The following CWC27 variants were observed in gnomAD, a reference collection of about 807,000 sequenced individuals.
CWC27 encodes CWC27 spliceosome associated cyclophilin.
CWC27 carries 47 observed loss-of-function variants against 63.6 expected under a neutral mutation model. The ratio of observed to expected loss-of-function variants is 0.74; its 90% CI spans 0.58 to 0.94. The LOEUF (loss-of-function observed/expected upper bound fraction) is 0.94, where lower values mean the gene tolerates loss of function less well. Ranked by LOEUF, CWC27 falls within the 40% of genes least tolerant of loss-of-function variation. The pLI is 0.00. For missense variants in CWC27, 495 were observed against 554.3 expected (o/e 0.89, Z 1.07); for synonymous variants, 175 against 179.8 (o/e 0.97, Z 0.22).
chr5:64,777,725 T>C (rs73759476), intron 2 of CWC27, among the ~76,000 whole-genome samples: 3 of 152,206 alleles, frequency 2.0e-5, no homozygotes, highest in African/African-American at 7.2e-5. Context: ...TCAAAACACT[T>C]GTGATGATGC....
chr5:64,777,151 G>GA (rs1346868228), intron 2 of CWC27, among the ~76,000 whole-genome samples: 2 of 152,010 alleles, frequency 1.3e-5, no homozygotes, highest in African/African-American at 2.4e-5. Flanking sequence ...AAGTGGATAA[G>GA]AAAATCAAAA....
intron 11 of CWC27, among the ~76,000 whole-genome samples, chr5:64,940,517 T>C (rs930420141): frequency 6.6e-6 from 1 of 152,194 alleles, no homozygotes; most frequent in Non-Finnish European, 1.5e-5. Context: ...GCCTTCTGCA[T>C]TGATCTTGCT....
At chr5:64,833,282 GAC>G (rs143696597) in intron 10 of CWC27, among the ~76,000 whole-genome samples, 4,450 of 151,794 alleles carry the variant, frequency 0.029, 235 homozygotes, top group African/African-American at 0.1. Flanking sequence ...ACAGATAAAT[GAC>G]ACATAGTTTA....
intron 10 of CWC27, chr5:64,808,457 G>C (rs1744766918): frequency 1.8e-6 from 1 of 543,602 alleles, no homozygotes. Flanking sequence ...CTTGAAGGTA[G>C]TGATCATATC....
intron 10 of CWC27, among the ~76,000 whole-genome samples, chr5:64,835,371 T>C (rs1341664269): frequency 6.6e-6 from 1 of 151,882 alleles, no homozygotes; most frequent in Non-Finnish European, 1.5e-5. Context: ...TCCCTTTACA[T>C]GGATGTCCAT....
intron 1 of CWC27, among the ~76,000 whole-genome samples, chr5:64,771,026 A>G (rs1191824918): frequency 6.6e-6 from 1 of 152,248 alleles, no homozygotes; most frequent in Non-Finnish European, 1.5e-5. Context: ...TGAGTGAAGT[A>G]TACATTGACT....
At chr5:64,951,203 A>T (rs997462342) in intron 11 of CWC27, among the ~76,000 whole-genome samples, 15 of 151,888 alleles carry the variant, frequency 9.9e-5, no homozygotes, top group Admixed American at 8.5e-4. Flanking sequence ...AATGTAGAAG[A>T]GTTCTAGTTG....
At chr5:64,786,931 T>C (rs1743908133) in intron 6 of CWC27, among the ~76,000 whole-genome samples, 1 of 152,216 alleles carries the variant, frequency 6.6e-6, no homozygotes, top group Non-Finnish European at 1.5e-5. Flanking sequence ...TGACTCACAA[T>C]TTCACATGGC....
chr5:64,788,655 T>C (rs1293814400), intron 6 of CWC27, among the ~76,000 whole-genome samples: 1 of 151,984 alleles, frequency 6.6e-6, no homozygotes, highest in Non-Finnish European at 1.5e-5. Context: ...GCTTAATTAT[T>C]TCTGTCATGC....
intron 11 of CWC27, among the ~76,000 whole-genome samples, chr5:64,899,165 A>T (rs1342340642): frequency 6.6e-6 from 1 of 152,204 alleles, no homozygotes; most frequent in East Asian, 1.9e-4. Flanking sequence ...CTGTTATATA[A>T]TATGAACAAA....
At chr5:64,848,170 A>G (rs1746038644) in intron 10 of CWC27, among the ~76,000 whole-genome samples, 1 of 152,180 alleles carries the variant, frequency 6.6e-6, no homozygotes, top group Non-Finnish European at 1.5e-5. Context: ...AGAAATTAAA[A>G]GAGAAGACAG....
intron 1 of CWC27, among the ~76,000 whole-genome samples, chr5:64,772,644 AAAAAAAAAAAAG>A (rs1270112548): frequency 7.1e-6 from 1 of 141,622 alleles, no homozygotes; most frequent in Non-Finnish European, 1.6e-5. Flanking sequence ...AAAAAAAAAA[AAAAAAAAAAAAG>A]TCCAGGCGCA....
At chr5:64,773,873 CG>C (rs1206269631) in intron 1 of CWC27, 1 of 152,096 alleles carries the variant, frequency 6.6e-6, no homozygotes, top group Non-Finnish European at 1.5e-5. Flanking sequence ...AAGGCTATCA[CG>C]GGATTCTATT....
chr5:64,796,538 G>A (rs1016486425), intron 7 of CWC27, among the ~76,000 whole-genome samples: 4 of 152,076 alleles, frequency 2.6e-5, no homozygotes, highest in Non-Finnish European at 5.9e-5. Context: ...ATTATGGAGT[G>A]TAATCTGCTT....
chr5:64,969,320 C>A (rs537673249), intron 11 of CWC27, among the ~76,000 whole-genome samples: 1 of 152,204 alleles, frequency 6.6e-6, no homozygotes, highest in Admixed American at 6.5e-5. Context: ...TTCTCTTTTG[C>A]ATTTTTTTAA....
chr5:64,891,308 C>T (rs1747230971), intron 11 of CWC27, among the ~76,000 whole-genome samples: 1 of 152,092 alleles, frequency 6.6e-6, no homozygotes, highest in South Asian at 2.1e-4. Flanking sequence ...TCCTGAAAGT[C>T]CTGGAAAAAT....
chr5:64,916,891 G>T (rs6874569), intron 11 of CWC27, among the ~76,000 whole-genome samples: 2,225 of 128,448 alleles, frequency 0.017, 63 homozygotes, highest in African/African-American at 0.079. Context: ...AGTATTAGTA[G>T]TAGTAGTAGT....
intron 10 of CWC27, among the ~76,000 whole-genome samples, chr5:64,824,363 C>G (rs893807143): frequency 1.3e-5 from 2 of 152,022 alleles, no homozygotes; most frequent in Non-Finnish European, 2.9e-5. Flanking sequence ...TAAGATATAG[C>G]TTAAGAGTTT....
At chr5:64,778,291 C>T (rs895163840) in intron 2 of CWC27, among the ~76,000 whole-genome samples, 4 of 152,030 alleles carry the variant, frequency 2.6e-5, no homozygotes, top group Non-Finnish European at 5.9e-5. Flanking sequence ...CATGCACTTG[C>T]GCTGTCTCTT....
Sources: gnomAD v4.1 joint callset for allele counts (sites outside exome capture counted in the v4.1 genomes callset) on GRCh38, gnomAD v4.1.1 for gene constraint, MANE v1.5 for transcripts, NCBI Gene and HGNC (gene_info 2026-07-23, HGNC 2026-07-21) for gene names.